Variants in LRRTM4 observed in about 807,000 individuals in gnomAD.
The protein encoded by LRRTM4 is leucine rich repeat transmembrane neuronal 4.
A neutral mutation model predicts 47.6 loss-of-function variants in LRRTM4; 25 were observed. The ratio of observed to expected loss-of-function variants is 0.53; its 90% CI spans 0.38 to 0.73. The LOEUF is 0.73. Ranked by LOEUF, LRRTM4 falls within the 30% of genes least tolerant of loss-of-function variation. LRRTM4 has a pLI of 0.00. For missense variants in LRRTM4, 638 were observed against 713.4 expected, an observed-to-expected ratio of 0.89 and a Z score of 1.20; for synonymous variants, 311 against 269.5, an observed-to-expected ratio of 1.15 and a Z score of -1.51.
At position 76,834,001 on chromosome 2, in the gene LRRTM4, CTTGT is replaced by C. The variant is rs547300248; in HGVS notation, c.1552-85089_1552-85086del. The stretch of plus-strand genomic sequence containing the variant: ...TAACCAGGACTTAGTGGAGCAAGCC[CTTGT>C]TTTTCATTTATTTATTATTTATTTA... On this transcript the variant is annotated intron_variant, in intron 3 of 3. Transcript: ENST00000409884. Among the ~76,000 whole-genome samples the C allele has an allele frequency of 2.9e-4, 42 of 145,368 alleles. No individual in the cohort carries two copies. In the East Asian group the frequency reaches 3.5e-3, roughly 12 times the overall value.
intron 3 of LRRTM4, among the ~76,000 whole-genome samples, chr2:77,326,728 A>G (rs1670791449): frequency 6.6e-6 from 1 of 151,862 alleles, no homozygotes; most frequent in Non-Finnish European, 1.5e-5. Flanking sequence ...AAAACGGATT[A>G]CTCCTCTCAT....
At chr2:76,882,080 T>C (rs1418935185) in intron 3 of LRRTM4, among the ~76,000 whole-genome samples, 2 of 152,138 alleles carry the variant, frequency 1.3e-5, no homozygotes, top group African/African-American at 4.8e-5. Context: ...CCATAACACT[T>C]AGCATTTCAG....
chr2:77,084,020 T>C (rs1680626815), intron 3 of LRRTM4, among the ~76,000 whole-genome samples: 1 of 151,890 alleles, frequency 6.6e-6, no homozygotes, highest in Non-Finnish European at 1.5e-5. Flanking sequence ...TTAGCAAGGA[T>C]GATCCCCATC....
In LRRTM4 at chr2:77,137,639, G is replaced by A. The variant is rs1429870990; in HGVS notation, c.1551+380679C>T. ...ACACATAACAATATTAACCTTAAAT[G>A]TAAATGGACTAAATTCTCCAATCAA... is the stretch of plus-strand genomic sequence containing the variant. On this transcript the variant is annotated intron_variant, in intron 3 of 3. Coordinates refer to ENST00000409884, the MANE Select transcript of LRRTM4 (RefSeq NM_001134745.3). Among the ~76,000 whole-genome samples, 3 of 152,090 alleles carry A rather than the reference G, an allele frequency of 2.0e-5. 1 individual carries two copies. Among genetic ancestry groups the A allele is most frequent in the Admixed American group, 6.6e-5 (1 of 15,258 alleles).
At chr2:77,167,938 C>G (rs1672935319) in intron 3 of LRRTM4, among the ~76,000 whole-genome samples, 1 of 151,976 alleles carries the variant, frequency 6.6e-6, no homozygotes, top group Non-Finnish European at 1.5e-5. Flanking sequence ...TACCCTAGAA[C>G]TTAAAGTATA....
At chr2:76,901,281 T>C (rs754152586) in intron 3 of LRRTM4, among the ~76,000 whole-genome samples, 9 of 152,148 alleles carry the variant, frequency 5.9e-5, no homozygotes, top group Non-Finnish European at 1.0e-4. Context: ...AGCTCCAACT[T>C]ATAAGTGAGA....
intron 3 of LRRTM4, among the ~76,000 whole-genome samples, chr2:76,907,123 C>G (rs1446597515): frequency 1.3e-5 from 2 of 151,706 alleles, no homozygotes; most frequent in South Asian, 4.2e-4. Context: ...TGTAAAAGAA[C>G]AGAAATTATA....
chr2:77,170,412 A>G (rs895851282), intron 3 of LRRTM4, among the ~76,000 whole-genome samples: 4 of 152,196 alleles, frequency 2.6e-5, no homozygotes, highest in African/African-American at 9.6e-5. Flanking sequence ...TTCTGCCAGT[A>G]ACACCAATGA....
At chr2:76,886,326 C>G (rs1055082203) in intron 3 of LRRTM4, among the ~76,000 whole-genome samples, 1 of 152,134 alleles carries the variant, frequency 6.6e-6, no homozygotes, top group Non-Finnish European at 1.5e-5. Context: ...CAACCTTAAA[C>G]TTGCACATAC....
chr2:77,452,077 G>A (rs550618250), intron 3 of LRRTM4, among the ~76,000 whole-genome samples: 2 of 152,148 alleles, frequency 1.3e-5, no homozygotes, highest in Non-Finnish European at 2.9e-5. Context: ...AGACCACTGA[G>A]AGGAGTTCAG....
intron 3 of LRRTM4, among the ~76,000 whole-genome samples, chr2:77,168,854 G>C (rs1187889459): frequency 6.6e-6 from 1 of 152,032 alleles, no homozygotes; most frequent in Non-Finnish European, 1.5e-5. Flanking sequence ...TTCTATCCAT[G>C]TTTCTGCAAA....
At chr2:76,755,485 C>T (rs1317568665) in intron 3 of LRRTM4, among the ~76,000 whole-genome samples, 1 of 152,028 alleles carries the variant, frequency 6.6e-6, no homozygotes, top group Admixed American at 6.6e-5. Flanking sequence ...TTTTTCATCA[C>T]CAAACCAAAA....
chr2:77,000,415 A>T (rs973002668), intron 3 of LRRTM4, among the ~76,000 whole-genome samples: 1 of 152,170 alleles, frequency 6.6e-6, no homozygotes, highest in Non-Finnish European at 1.5e-5. Flanking sequence ...GAGTGTATGC[A>T]AACCTGTTAG....
chr2:77,209,702 A>G (rs189168668), intron 3 of LRRTM4, among the ~76,000 whole-genome samples: 54 of 152,318 alleles, frequency 3.5e-4, no homozygotes, highest in African/African-American at 1.3e-3. Flanking sequence ...TTCTTATGCC[A>G]TTTTCTAAAA....
intron 3 of LRRTM4, among the ~76,000 whole-genome samples, chr2:77,199,667 T>C (rs926198202): frequency 7.2e-4 from 110 of 152,164 alleles, no homozygotes; most frequent in African/African-American, 2.6e-3. Context: ...TCTGTTCAGA[T>C]ACAGCTAACT....
chr2:76,929,985 T>G (rs1214228365), intron 3 of LRRTM4, among the ~76,000 whole-genome samples: 1 of 151,684 alleles, frequency 6.6e-6, no homozygotes, highest in Non-Finnish European at 1.5e-5. Context: ...ATAGAATACT[T>G]TCTTAGAGTG....
intron 3 of LRRTM4, among the ~76,000 whole-genome samples, chr2:77,186,662 TG>T (rs1673513170): frequency 1.3e-5 from 2 of 152,286 alleles, no homozygotes; most frequent in Admixed American, 1.3e-4. Context: ...TTATTTAGGA[TG>T]AAAACGTATT....
At chr2:76,891,208 C>CA (rs967154080) in intron 3 of LRRTM4, among the ~76,000 whole-genome samples, 2 of 151,616 alleles carry the variant, frequency 1.3e-5, no homozygotes, top group African/African-American at 4.8e-5. Flanking sequence ...GTTTGCTCAA[C>CA]AAAAAACAAA....
chr2:77,001,330 G>C (rs17334240), intron 3 of LRRTM4, among the ~76,000 whole-genome samples: 1 of 151,992 alleles, frequency 6.6e-6, no homozygotes, highest in African/African-American at 2.4e-5. Flanking sequence ...TTGAATAACT[G>C]ACAGGGGATC....
Sources: gnomAD v4.1 joint callset for allele counts (sites outside exome capture counted in the v4.1 genomes callset) on GRCh38, gnomAD v4.1.1 for gene constraint, MANE v1.5 for transcripts, NCBI Gene and HGNC (gene_info 2026-07-23, HGNC 2026-07-21) for gene names.